The following NBAS variants were observed in gnomAD, a reference collection of about 807,000 sequenced individuals.
NBAS encodes the protein NAG/BC035112 fusion.
NBAS carries 219 observed loss-of-function variants against 302.5 expected under a neutral mutation model. The ratio of observed to expected loss-of-function variants is 0.72; its 90% CI spans 0.65 to 0.81. The LOEUF is 0.81. Among genes scored for constraint, NBAS ranks in the 30% least tolerant of loss-of-function variants. The pLI is 0.00. For missense variants in NBAS, 2,932 were observed against 2,841.6 expected (o/e 1.03, Z -0.72); for synonymous variants, 1,118 against 1,021.6 (o/e 1.09, Z -1.80).
the NBAS span, among the ~76,000 whole-genome samples, chr2:14,982,063 T>C: frequency 6.6e-6 from 1 of 152,172 alleles, no homozygotes; most frequent in East Asian, 1.9e-4. Flanking sequence ...CCTTGCAGAT[T>C]TCCTCAGGGC....
chr2:15,304,374 A>C (rs1371585337), intron 40 of NBAS, among the ~76,000 whole-genome samples: 1 of 152,184 alleles, frequency 6.6e-6, no homozygotes, highest in Non-Finnish European at 1.5e-5. Flanking sequence ...GAGTCAATTA[A>C]AACTCTTTCA....
At chr2:15,511,480 G>T (rs562242969) in intron 9 of NBAS, 130 bp from the exon 10 acceptor site, 12 of 798,750 alleles carry the variant, frequency 1.5e-5, no homozygotes, top group South Asian at 1.2e-4. Context: ...AAACCTAGAA[G>T]GTAAATATTT....
the NBAS span, among the ~76,000 whole-genome samples, chr2:15,124,366 T>C: frequency 6.6e-6 from 1 of 152,160 alleles, no homozygotes; most frequent in Non-Finnish European, 1.5e-5. Context: ...AAAGAATAAC[T>C]TAGAGTTGGA....
At chr2:14,950,456 G>A in the NBAS span, among the ~76,000 whole-genome samples, 1,951 of 152,216 alleles carry the variant, frequency 0.013, 20 homozygotes, top group Non-Finnish European at 0.021. Flanking sequence ...TAAGGTGATG[G>A]ATATCTCAAG....
the NBAS span, among the ~76,000 whole-genome samples, chr2:15,051,282 G>A: frequency 6.6e-6 from 1 of 152,212 alleles, no homozygotes; most frequent in Non-Finnish European, 1.5e-5. Context: ...CGCAGAGCCA[G>A]TACACCTCAA....
chr2:14,813,786 G>A, the NBAS span, among the ~76,000 whole-genome samples: 16 of 152,138 alleles, frequency 1.1e-4, no homozygotes, highest in Non-Finnish European at 1.9e-4. Context: ...AAGTAAAGGG[G>A]AGCCAAATAT....
chr2:15,076,828 G>A, the NBAS span, among the ~76,000 whole-genome samples: 6 of 152,200 alleles, frequency 3.9e-5, no homozygotes, highest in Non-Finnish European at 8.8e-5. Flanking sequence ...TTTCATGGAG[G>A]AATGGAGCAA....
At chr2:14,857,177 C>T in the NBAS span, among the ~76,000 whole-genome samples, 2 of 151,870 alleles carry the variant, frequency 1.3e-5, no homozygotes, top group Non-Finnish European at 2.9e-5. Context: ...TAGAAGAGGA[C>T]ACCAAAAAAT....
In NBAS at chr2:15,238,618, C is replaced by T; in HGVS notation, c.5793G>A (p.Lys1931=). 2 of 1,613,384 alleles carry T rather than the reference C, an allele frequency of 1.2e-6. No individual in the cohort carries two copies. The highest frequency in any genetic ancestry group is 1.1e-5 in the South Asian group (1 of 90,924). The change falls in exon 45 of 52, where the codon AAG becomes AAA. Residue 1931 remains lysine (K), a synonymous_variant. Coordinates refer to ENST00000281513, the MANE Select transcript of NBAS (RefSeq NM_015909.4). ...AIKTVKHFIE[K]PRKRNSEDEA... Reference sequence around the variant, plus strand: ...CGTCTTCTGAGTTTCTTTTCCTTGGCTTCTCAATAAAATGTTTGACTGTCT... The same window carrying T: ...CGTCTTCTGAGTTTCTTTTCCTTGGTTTCTCAATAAAATGTTTGACTGTCT...
the NBAS span, among the ~76,000 whole-genome samples, chr2:15,030,430 TCAA>T: frequency 6.6e-6 from 1 of 152,158 alleles, no homozygotes; most frequent in Admixed American, 6.5e-5. Context: ...CAGGGTAAAT[TCAA>T]CAATATAACA....
chr2:15,527,787 C>A lies in NBAS; in HGVS notation c.746+6756G>T, dbSNP rs79064693. 3.3e-3 allele frequency among the ~76,000 whole-genome samples: 500 copies of A among 152,046 alleles called. 6 individuals carry two copies. Among genetic ancestry groups the A allele is most frequent in the African/African-American group, 0.011 (466 of 41,472 alleles). On this transcript the variant is annotated intron_variant, in intron 9 of 51. Transcript: ENST00000281513. The stretch of plus-strand genomic sequence containing the variant: ...AAAATGTGGTGTATTTAAACAGCGC[C>A]CAAACTGTGGTACAAAAACAGTATA...
chr2:15,032,372 C>A, the NBAS span, among the ~76,000 whole-genome samples: 1 of 152,088 alleles, frequency 6.6e-6, no homozygotes, highest in African/African-American at 2.4e-5. Context: ...TATAACTGAA[C>A]AATAGAGAAC....
At chr2:15,442,923 G>A (rs1055711705) in intron 21 of NBAS, among the ~76,000 whole-genome samples, 11 of 152,032 alleles carry the variant, frequency 7.2e-5, no homozygotes, top group African/African-American at 1.9e-4. Flanking sequence ...TAAATTCCTC[G>A]ACACATACAC....
At chr2:15,232,950 A>C (rs1051611883) in intron 46 of NBAS, among the ~76,000 whole-genome samples, 7 of 152,148 alleles carry the variant, frequency 4.6e-5, no homozygotes, top group African/African-American at 1.4e-4. Flanking sequence ...GCTACTATTA[A>C]ATGCAACATC....
chr2:15,146,785 C>G, the NBAS span, among the ~76,000 whole-genome samples: 3 of 152,274 alleles, frequency 2.0e-5, no homozygotes, highest in Middle Eastern at 3.4e-3. Context: ...CCCCACATGG[C>G]AGGCATCACT....
At chr2:15,044,442 G>GA in the NBAS span, among the ~76,000 whole-genome samples, 1 of 152,174 alleles carries the variant, frequency 6.6e-6, no homozygotes, top group Non-Finnish European at 1.5e-5. Context: ...TATTAATGAG[G>GA]TTTTTCATAA....
At chr2:15,038,705 C>A in the NBAS span, among the ~76,000 whole-genome samples, 1 of 52,016 alleles carries the variant, frequency 1.9e-5, no homozygotes, top group African/African-American at 1.0e-4. Flanking sequence ...CGAGGACAAG[C>A]AGCAGTAGCC....
the NBAS span, among the ~76,000 whole-genome samples, chr2:15,101,116 A>T: frequency 3.3e-5 from 5 of 152,168 alleles, no homozygotes; most frequent in Admixed American, 1.3e-4. Context: ...TTGGATCGAC[A>T]CCTCTTTGTG....
chr2:15,328,407 G>T (rs1010618376), intron 36 of NBAS, 95 bp from the exon 37 acceptor site: 3 of 1,033,300 alleles, frequency 2.9e-6, no homozygotes, highest in African/African-American at 1.6e-5. Flanking sequence ...AGAGAGGGAG[G>T]AAGAAAAGGC....
Sources: gnomAD v4.1 joint callset for allele counts (sites outside exome capture counted in the v4.1 genomes callset) on GRCh38, gnomAD v4.1.1 for gene constraint, MANE v1.5 for transcripts, NCBI Gene and HGNC (gene_info 2026-07-23, HGNC 2026-07-21) for gene names.